The following CD302 variants were observed in gnomAD, a reference collection of about 807,000 sequenced individuals.
The protein encoded by CD302 is CD302 molecule.
CD302 carries 23 observed loss-of-function variants against 26.5 expected under a neutral mutation model. The observed-to-expected ratio is 0.87, with a 90% CI of 0.62 to 1.23. The LOEUF is 1.23. CD302 is among the 50% of genes most tolerant of loss of function. CD302 has a pLI of 0.00. For synonymous variants in CD302, 90 were observed against 99.4 expected (o/e 0.91, Z 0.56); for missense variants, 290 against 275.5 (o/e 1.05, Z -0.37).
chr2:159,793,542 A>G (rs1317822967), intron 1 of CD302, among the ~76,000 whole-genome samples: 2 of 152,196 alleles, frequency 1.3e-5, no homozygotes, highest in Non-Finnish European at 2.9e-5. Context: ...TTCATTGTCA[A>G]TAATAAGACC....
intron 1 of CD302, among the ~76,000 whole-genome samples, chr2:159,795,171 C>T (rs34052487): frequency 0.061 from 9,235 of 150,620 alleles, 368 homozygotes; most frequent in Middle Eastern, 0.14. Flanking sequence ...TGCTGTGAGC[C>T]GAGATTGCGC....
chr2:159,777,894 AT>A, intron 5 of CD302, 43 bp downstream of exon 5: 4 of 957,096 alleles, frequency 4.2e-6, no homozygotes, highest in Admixed American at 2.5e-5. Flanking sequence ...ATTTTGATAT[AT>A]TTTTAATTGT....
chr2:159,777,933 C>A lies in CD302; in HGVS notation c.496+5G>T. 9.8e-7 allele frequency: 1 copy of A among 1,018,356 alleles called. No homozygotes were observed. The highest frequency in any genetic ancestry group is 1.4e-6 in the Non-Finnish European group (1 of 711,964). The allele number at this position is 1,018,356 out of a possible 1,614,324, so 63.1% of individuals were successfully genotyped here. A position where few individuals can be genotyped will look rare whatever the true frequency, so the allele number is the denominator to read the frequency against. ...GAAAAATTTAAAGACCAAATCATTA[C>A]TTACCTGATAAATATTTCCTTTTGT... On this transcript the variant is annotated splice_donor_5th_base_variant and intron_variant, in intron 5 of 5. Transcript: ENST00000259053.
At position 159,771,500 on chromosome 2, in the gene CD302, C is replaced by A; in HGVS notation, c.*351G>T. On this transcript the variant is annotated 3_prime_UTR_variant, in exon 6 of 6. Coordinates refer to ENST00000259053, the MANE Select transcript of CD302 (RefSeq NM_014880.5). Reference sequence around the variant, plus strand: ...TCCCCATTTCATGTTTACTAATAAACATATAAACTAAAGTGGGTCAACTAA... The same window carrying A: ...TCCCCATTTCATGTTTACTAATAAAAATATAAACTAAAGTGGGTCAACTAA... 1 of 175,928 alleles carries A rather than the reference C, an allele frequency of 5.7e-6. No homozygotes were observed. Among genetic ancestry groups the A allele is most frequent in the Non-Finnish European group, 1.2e-5 (1 of 82,788 alleles). The allele number at this position is 175,928 out of a possible 1,614,324, so 10.9% of individuals were successfully genotyped here. A position where few individuals can be genotyped will look rare whatever the true frequency, so the allele number is the denominator to read the frequency against.
chr2:159,780,092 A>C lies in CD302; in HGVS notation c.382T>G (p.Cys128Gly). Residue 128 changes from cysteine (C) to glycine (G), a missense_variant, in exon 4 of 6, where the codon TGT becomes GGT. Coordinates refer to ENST00000259053, the MANE Select transcript of CD302 (RefSeq NM_014880.5). Reference sequence around the variant, plus strand: ...CCTGTCTTGATGTGCAGAAAAGCACAGGTGTCAACTAAATCCTCATCATCA... The same window carrying C: ...CCTGTCTTGATGTGCAGAAAAGCACCGGTGTCAACTAAATCCTCATCATCA... Reference protein sequence around the residue: ...QDDDEDLVDTCAFLHIKTGEW... With the variant: ...QDDDEDLVDTGAFLHIKTGEW... 6.2e-7 allele frequency: 1 copy of C among 1,614,196 alleles called. No homozygotes were observed. Among genetic ancestry groups the C allele is most frequent in the Non-Finnish European group, 8.5e-7 (1 of 1,180,026 alleles).
At chr2:159,794,316 A>C (rs1708891417) in intron 1 of CD302, among the ~76,000 whole-genome samples, 1 of 149,020 alleles carries the variant, frequency 6.7e-6, no homozygotes, top group South Asian at 2.1e-4. Flanking sequence ...AAAAAAAAAA[A>C]CACTAAATAA....
chr2:159,770,517 C>T lies in CD302; in HGVS notation c.*1334G>A, dbSNP rs540411423. ...CAAGCTAGTGAGATAGTATATCTAT[C>T]TATCTCCCCAGAAGAAAGTAAGATA... On this transcript the variant is annotated 3_prime_UTR_variant, in exon 6 of 6. Coordinates refer to ENST00000259053, the MANE Select transcript of CD302 (RefSeq NM_014880.5). The T allele has an allele frequency of 6.6e-6, 1 of 152,268 alleles. No homozygotes were observed. The highest frequency in any genetic ancestry group is 2.1e-4 in the South Asian group (1 of 4,820). 9.4% of individuals were successfully genotyped at this position (152,268 alleles called of 1,614,324 possible).
At chr2:159,790,394 C>A (rs1033743972) in intron 1 of CD302, among the ~76,000 whole-genome samples, 1 of 152,044 alleles carries the variant, frequency 6.6e-6, no homozygotes, top group Non-Finnish European at 1.5e-5. Flanking sequence ...AAAATCCAGG[C>A]AGAGGGCATA....
chr2:159,787,255 G>GT (rs201261450), intron 1 of CD302, among the ~76,000 whole-genome samples: 97 of 151,578 alleles, frequency 6.4e-4, no homozygotes, highest in South Asian at 1.0e-3. Context: ...GCAGCAAGTA[G>GT]TTTTTTTTTA....
chr2:159,788,169 G>A (rs968837925), intron 1 of CD302, among the ~76,000 whole-genome samples: 1 of 151,534 alleles, frequency 6.6e-6, no homozygotes, highest in Non-Finnish European at 1.5e-5. Flanking sequence ...GGCTATCTTT[G>A]CAAATACAGA....
chr2:159,776,687 C>T (rs1708337458), intron 5 of CD302, among the ~76,000 whole-genome samples: 1 of 147,164 alleles, frequency 6.8e-6, no homozygotes, highest in African/African-American at 2.5e-5. Context: ...TGGCAAAGGA[C>T]TCACATCCAA....
At position 159,789,265 on chromosome 2, in the gene CD302, G is replaced by A. The variant is rs953412089; in HGVS notation, c.68-5796C>T. 2.6e-5 allele frequency among the ~76,000 whole-genome samples: 4 copies of A among 151,998 alleles called. No individual in the cohort carries two copies. The East Asian group carries it at 7.7e-4, about 29-fold the overall frequency. On this transcript the variant is annotated intron_variant, in intron 1 of 5. Coordinates refer to ENST00000259053, the MANE Select transcript of CD302 (RefSeq NM_014880.5). ...AATCCTCCTACCTTGGCCTCCCAAA[G>A]TGCTGGGATTACAGGCGTGAGTCAC...
chr2:159,785,446 C>T (rs1402233847), intron 1 of CD302, among the ~76,000 whole-genome samples: 1 of 152,112 alleles, frequency 6.6e-6, no homozygotes, highest in Non-Finnish European at 1.5e-5. Context: ...GGAAAATGTT[C>T]ATTATGAAAC....
At chr2:159,789,580 G>A (rs1476449216) in intron 1 of CD302, among the ~76,000 whole-genome samples, 1 of 150,386 alleles carries the variant, frequency 6.6e-6, no homozygotes, top group African/African-American at 2.4e-5. Context: ...TGTTCTGTCT[G>A]GTAGTTTTCT....
chr2:159,775,489 A>T (rs1438956037), intron 5 of CD302, among the ~76,000 whole-genome samples: 1 of 152,214 alleles, frequency 6.6e-6, no homozygotes, highest in Non-Finnish European at 1.5e-5. Flanking sequence ...GTTCTAGAAG[A>T]TACGTAGTGA....
chr2:159,777,860 T>C (rs1287402353), intron 5 of CD302, 78 bp downstream of exon 5: 4 of 695,114 alleles, frequency 5.8e-6, no homozygotes, highest in Non-Finnish European at 4.5e-6. Context: ...AAAAGGGATC[T>C]GTAATGTATT....
intron 5 of CD302, among the ~76,000 whole-genome samples, chr2:159,773,826 A>G (rs755429320): frequency 6.6e-6 from 1 of 152,114 alleles, no homozygotes; most frequent in Non-Finnish European, 1.5e-5. Context: ...CTTGCTTGAC[A>G]GCATATAATA....
chr2:159,786,920 C>T (rs1458483006), intron 1 of CD302, among the ~76,000 whole-genome samples: 1 of 152,186 alleles, frequency 6.6e-6, no homozygotes, highest in Non-Finnish European at 1.5e-5. Flanking sequence ...TAACTTCTAA[C>T]ACCATCGATT....
intron 1 of CD302, among the ~76,000 whole-genome samples, chr2:159,794,911 G>A (rs1708910067): frequency 2.0e-5 from 3 of 151,268 alleles, no homozygotes. Flanking sequence ...ACATAACTGT[G>A]CCATACACAA....
Sources: allele counts gnomAD v4.1 joint callset (sites outside exome capture counted in the v4.1 genomes callset), GRCh38; gene constraint gnomAD v4.1.1; transcripts MANE v1.5; gene names NCBI Gene and HGNC (gene_info 2026-07-23, HGNC 2026-07-21).